Variants in PCDH15 observed in about 807,000 individuals in gnomAD.
PCDH15 encodes the protein protocadherin-15.
In PCDH15, 129 loss-of-function variants were observed where a neutral mutation model predicts 178.5. The observed-to-expected ratio is 0.72, with a 90% CI of 0.63 to 0.84. PCDH15 has a LOEUF of 0.84. Ranked by LOEUF, PCDH15 falls within the 40% of genes least tolerant of loss-of-function variation. The pLI, the probability that PCDH15 is intolerant of heterozygous loss-of-function variation, is 0.00. For missense variants in PCDH15, 2,230 were observed against 2,099.9 expected, an observed-to-expected ratio of 1.06 and a Z score of -1.21; for synonymous variants, 800 against 732.0, an observed-to-expected ratio of 1.09 and a Z score of -1.50.
intron 29 of PCDH15, among the ~76,000 whole-genome samples, 157 bp downstream of exon 29, chr10:53,840,163 C>T (rs1470703378): frequency 8.2e-6 from 1 of 122,242 alleles, no homozygotes; most frequent in Admixed American, 7.9e-5. Flanking sequence ...AACTTTAAGG[C>T]ATGAGAATCC....
intron 37 of PCDH15, chr10:53,808,671 T>C: frequency 6.2e-7 from 1 of 1,604,516 alleles, no homozygotes; most frequent in Non-Finnish European, 8.5e-7. Context: ...ACAGCAAAAC[T>C]TCCACCTACT....
chr10:54,783,752 A>C (rs1185849890), intron 1 of PCDH15, among the ~76,000 whole-genome samples: 1 of 152,126 alleles, frequency 6.6e-6, no homozygotes, highest in East Asian at 1.9e-4. Flanking sequence ...CAAAGTGGGG[A>C]GGCTGGGAGG....
chr10:54,076,677 C>T (rs1259244216), intron 17 of PCDH15, among the ~76,000 whole-genome samples: 2 of 151,910 alleles, frequency 1.3e-5, no homozygotes, highest in Non-Finnish European at 2.9e-5. Flanking sequence ...TTTCAACAAT[C>T]ATTAACAAAG....
intron 2 of PCDH15, among the ~76,000 whole-genome samples, chr10:55,550,276 AACTT>A (rs1349828227): frequency 6.6e-6 from 1 of 151,980 alleles, no homozygotes; most frequent in Non-Finnish European, 1.5e-5. Context: ...TGGGTGGTGA[AACTT>A]ACTCTGTTAT....
At chr10:54,520,416 C>G (rs1344588938) in intron 3 of PCDH15, among the ~76,000 whole-genome samples, 1 of 152,162 alleles carries the variant, frequency 6.6e-6, no homozygotes, top group African/African-American at 2.4e-5. Flanking sequence ...TATAAACAGA[C>G]ACTTCTCAAA....
At chr10:55,220,137 C>T (rs1840827961) in intron 1 of PCDH15, among the ~76,000 whole-genome samples, 1 of 151,948 alleles carries the variant, frequency 6.6e-6, no homozygotes, top group South Asian at 2.1e-4. Context: ...TATAAATCCT[C>T]TCAGTCCTAA....
At chr10:53,809,352 C>A in intron 37 of PCDH15, 1 of 1,613,718 alleles carries the variant, frequency 6.2e-7, no homozygotes, top group Non-Finnish European at 8.5e-7. Flanking sequence ...ACTCTTCACC[C>A]TCAAGGTCAA....
In PCDH15 at chr10:54,878,623, T is replaced by C. The variant is rs533013164; in HGVS notation, c.-29+18827A>G. ...GGATATGATAATGGCACTTACATCATAGCCATGCTGTGAGCATAGATGAAA... is the reference window on the plus strand; with the variant it reads ...GGATATGATAATGGCACTTACATCACAGCCATGCTGTGAGCATAGATGAAA... On this transcript the variant is annotated intron_variant, in intron 3 of 5. Coordinates refer to the PCDH15 transcript ENST00000458638. 2.0e-5 allele frequency among the ~76,000 whole-genome samples: 3 copies of C among 152,310 alleles called. No individual in the cohort carries two copies. The South Asian group carries it at 6.2e-4, about 32-fold the overall frequency.
chr10:54,422,700 A>G (rs1404627293), intron 3 of PCDH15, among the ~76,000 whole-genome samples: 1 of 152,142 alleles, frequency 6.6e-6, no homozygotes, highest in African/African-American at 2.4e-5. Flanking sequence ...AATCACAAAT[A>G]TAAAGTAACC....
At chr10:54,782,952 A>G (rs1338520492) in intron 1 of PCDH15, among the ~76,000 whole-genome samples, 1 of 152,066 alleles carries the variant, frequency 6.6e-6, no homozygotes. Flanking sequence ...TACCAAACCA[A>G]CACTCTAGGA....
intron 1 of PCDH15, among the ~76,000 whole-genome samples, chr10:55,319,429 T>C (rs1588909215): frequency 6.6e-6 from 1 of 152,052 alleles, no homozygotes; most frequent in East Asian, 1.9e-4. Context: ...TAAAAATAGA[T>C]AGGGCTAACT....
chr10:55,434,913 A>G (rs181630446), intron 2 of PCDH15, among the ~76,000 whole-genome samples: 71 of 152,252 alleles, frequency 4.7e-4, no homozygotes, highest in African/African-American at 1.6e-3. Flanking sequence ...TGATGTTATA[A>G]TATTTAAACT....
In PCDH15 at chr10:55,409,393, A is replaced by C. The variant is rs182795787; in HGVS notation, c.-156+218232T>G. On this transcript the variant is annotated intron_variant, in intron 2 of 5. Coordinates refer to the PCDH15 transcript ENST00000613346. ...TCTCATGTTACTGTCCAATCATGAA[A>C]TCACTCAAAACATATGCAGAATCTG... Among the ~76,000 whole-genome samples, 225 of 152,286 alleles carry C rather than the reference A, an allele frequency of 1.5e-3. 1 individual carries two copies. The highest frequency in any genetic ancestry group is 4.5e-3 in the African/African-American group (189 of 41,556).
intron 2 of PCDH15, among the ~76,000 whole-genome samples, chr10:55,039,475 T>A (rs190703873): frequency 2.7e-4 from 41 of 152,234 alleles, no homozygotes; most frequent in Non-Finnish European, 4.6e-4. Context: ...GTGGTGAGAA[T>A]TCTAAGAATC....
At chr10:55,073,956 T>A (rs556475360) in intron 2 of PCDH15, among the ~76,000 whole-genome samples, 1 of 152,022 alleles carries the variant, frequency 6.6e-6, no homozygotes, top group Non-Finnish European at 1.5e-5. Context: ...AGTGAGAACA[T>A]GTGGTGTTTG....
chr10:54,427,309 G>C (rs1254667316), intron 3 of PCDH15, among the ~76,000 whole-genome samples: 1 of 96,216 alleles, frequency 1.0e-5, no homozygotes, highest in Admixed American at 1.6e-4. Flanking sequence ...ACTGGGTTTC[G>C]CTCTTGTTGC....
intron 2 of PCDH15, among the ~76,000 whole-genome samples, chr10:55,598,551 T>TATATATAGATAGATAGATAG (rs1842989403): frequency 1.5e-5 from 1 of 64,912 alleles, no homozygotes; most frequent in African/African-American, 7.6e-5. Context: ...TATATATATA[T>TATATATAGATAGATAGATAG]ATATATATAT....
chr10:55,371,445 C>T (rs1281932516), intron 2 of PCDH15, among the ~76,000 whole-genome samples: 1 of 152,040 alleles, frequency 6.6e-6, no homozygotes, highest in Non-Finnish European at 1.5e-5. Context: ...TGTGTCCTCA[C>T]CCAAATCTCA....
chr10:54,475,559 T>C (rs910923371), intron 3 of PCDH15, among the ~76,000 whole-genome samples: 1 of 152,148 alleles, frequency 6.6e-6, no homozygotes, highest in Non-Finnish European at 1.5e-5. Context: ...TATACAGACC[T>C]TTAAACAGTA....
Sources: gnomAD v4.1 joint callset for allele counts (sites outside exome capture counted in the v4.1 genomes callset) on GRCh38, gnomAD v4.1.1 for gene constraint, MANE v1.5 for transcripts, NCBI Gene and HGNC (gene_info 2026-07-23, HGNC 2026-07-21) for gene names.